The following OSBPL8 variants were observed in gnomAD, a reference collection of about 807,000 sequenced individuals.
OSBPL8 encodes oxysterol binding protein like 8.
A neutral mutation model predicts 125.5 loss-of-function variants in OSBPL8; 59 were observed. The observed-to-expected ratio is 0.47, with a 90% confidence interval of 0.38 to 0.58. The LOEUF (loss-of-function observed/expected upper bound fraction) is 0.58. Ranked by LOEUF, OSBPL8 falls within the 20% of genes least tolerant of loss-of-function variation. OSBPL8 has a pLI of 0.00. For missense variants in OSBPL8, 758 were observed against 1,047.8 expected (o/e 0.72, Z 3.82); for synonymous variants, 330 against 338.9 (o/e 0.97, Z 0.29).
At position 76,522,511 on chromosome 12, in the gene OSBPL8, G is replaced by A. The variant is rs377766288; in HGVS notation, c.-67-34893C>T. Among the ~76,000 whole-genome samples, 107 of 152,226 alleles carry A rather than the reference G, an allele frequency of 7.0e-4. 2 individuals carry two copies. Among genetic ancestry groups the A allele is most frequent in the African/African-American group, 2.6e-3 (106 of 41,532 alleles). On this transcript the variant is annotated intron_variant, in intron 1 of 23. Coordinates refer to ENST00000261183, the MANE Select transcript of OSBPL8 (RefSeq NM_020841.5). ...ATGAGTTCTCACTCTGGCAAGATGG[G>A]ATGAGTTCTCAAGGGAATAAGTCAG... is the stretch of plus-strand genomic sequence containing the variant.
At chr12:76,512,041 G>T (rs990187898) in intron 1 of OSBPL8, among the ~76,000 whole-genome samples, 23 of 152,000 alleles carry the variant, frequency 1.5e-4, no homozygotes, top group African/African-American at 5.3e-4. Context: ...CATGTCATGG[G>T]GGTTCGTTGA....
chr12:76,408,461 CAAA>C (rs71082306), intron 5 of OSBPL8, among the ~76,000 whole-genome samples: 70 of 73,270 alleles, frequency 9.6e-4, no homozygotes, highest in East Asian at 3.6e-3. Context: ...GACTCCTTCT[CAAA>C]AAAAAAAAAA....
chr12:76,411,972 A>G (rs1304268464), intron 4 of OSBPL8, among the ~76,000 whole-genome samples: 1 of 152,174 alleles, frequency 6.6e-6, no homozygotes, highest in African/African-American at 2.4e-5. Flanking sequence ...GACTGTATCT[A>G]TTAAAGTTAA....
At chr12:76,457,366 A>G (rs1446507949) in intron 3 of OSBPL8, among the ~76,000 whole-genome samples, 2 of 152,232 alleles carry the variant, frequency 1.3e-5, no homozygotes, top group African/African-American at 4.8e-5. Context: ...CTTATGTAAT[A>G]GATTTGTGTA....
chr12:76,459,916 A>G (rs1371072138), intron 2 of OSBPL8, 21 bp from the exon 3 acceptor site: 2 of 1,613,282 alleles, frequency 1.2e-6, no homozygotes, highest in Non-Finnish European at 1.7e-6. Flanking sequence ...AGGGTAATTG[A>G]GCAGCAAACA....
intron 1 of OSBPL8, among the ~76,000 whole-genome samples, chr12:76,526,015 T>C (rs1464949734): frequency 1.3e-5 from 2 of 152,258 alleles, no homozygotes; most frequent in Non-Finnish European, 2.9e-5. Context: ...TTCACTTGAA[T>C]AGTGGTTACT....
intron 21 of OSBPL8, among the ~76,000 whole-genome samples, chr12:76,364,857 C>T (rs1952355885): frequency 6.6e-6 from 1 of 152,094 alleles, no homozygotes; most frequent in African/African-American, 2.4e-5. Flanking sequence ...TGGCCCCTTG[C>T]AATTCCATGT....
chr12:76,480,503 G>A (rs1369238397), intron 2 of OSBPL8, among the ~76,000 whole-genome samples: 1 of 152,172 alleles, frequency 6.6e-6, no homozygotes, highest in Non-Finnish European at 1.5e-5. Flanking sequence ...TAACAATCTT[G>A]TATGTATGAT....
chr12:76,434,500 A>T (rs1241114124), intron 4 of OSBPL8, among the ~76,000 whole-genome samples: 1 of 152,204 alleles, frequency 6.6e-6, no homozygotes, highest in African/African-American at 2.4e-5. Context: ...AAAATAGGTA[A>T]GACTATATCA....
In OSBPL8 at chr12:76,384,261, CT is replaced by C; in HGVS notation, c.1622del (p.Lys541SerfsTer11). ...TGGGACGGGAAAACTCACCATAAAACTTAGACTTAGCCAGGATACTACCGCT... is the reference window on the plus strand; with the variant it reads ...TGGGACGGGAAAACTCACCATAAAACTAGACTTAGCCAGGATACTACCGCT... ...CLSGSILAKS[K>X]FYGNSLSAIL... is the part of the protein sequence containing the mutation. On this transcript the variant is annotated frameshift_variant, in exon 15 of 24. Transcript: ENST00000261183. LOFTEE classifies it high-confidence loss of function. 6.6e-7 allele frequency: 1 copy of C among 1,521,784 alleles called. No individual in the cohort carries two copies. Among genetic ancestry groups the C allele is most frequent in the Non-Finnish European group, 8.9e-7 (1 of 1,118,570 alleles). 94.3% of individuals were successfully genotyped at this position (1,521,784 alleles called of 1,614,324 possible). A position where few individuals can be genotyped will look rare whatever the true frequency, so the allele number is the denominator to read the frequency against.
intron 1 of OSBPL8, among the ~76,000 whole-genome samples, chr12:76,503,758 T>G (rs1400162832): frequency 6.6e-6 from 1 of 151,942 alleles, no homozygotes; most frequent in African/African-American, 2.4e-5. Flanking sequence ...CTAGCTAGGA[T>G]GGTTTCGATC....
chr12:76,418,067 G>A (rs1243217767), intron 4 of OSBPL8, among the ~76,000 whole-genome samples: 4 of 120,432 alleles, frequency 3.3e-5, no homozygotes, highest in African/African-American at 1.3e-4. Context: ...CCAGGCTGCT[G>A]TGCAATGGCA....
intron 12 of OSBPL8, among the ~76,000 whole-genome samples, chr12:76,387,790 T>A (rs1396287589): frequency 6.6e-6 from 1 of 152,186 alleles, no homozygotes; most frequent in Non-Finnish European, 1.5e-5. Flanking sequence ...CTCTGATTGC[T>A]CTCTTTCCAT....
chr12:76,550,993 G>A (rs980315722), intron 1 of OSBPL8, among the ~76,000 whole-genome samples: 1 of 152,060 alleles, frequency 6.6e-6, no homozygotes, highest in Non-Finnish European at 1.5e-5. Flanking sequence ...AGGATCCTTT[G>A]AGCTCAGGAA....
intron 4 of OSBPL8, among the ~76,000 whole-genome samples, chr12:76,425,746 C>T (rs1218814470): frequency 6.6e-6 from 1 of 152,142 alleles, no homozygotes; most frequent in Non-Finnish European, 1.5e-5. Flanking sequence ...AAGCATTCTA[C>T]TTTTTACCTA....
Position 76,356,013 on chromosome 12 carries a change from A to C in OSBPL8, c.2546T>G (p.Met849Arg). ...QTQEEIKRNI[M>R]ALRNHLVSST... ...TGAAACTAAATGATTTCGAAGAGCC[A>C]TAATATTTCTATAAAAATAAGCAAC... Residue 849 changes from methionine to arginine, a missense_variant, in exon 24 of 24, where the codon ATG becomes AGG. Coordinates refer to ENST00000261183, the MANE Select transcript of OSBPL8 (RefSeq NM_020841.5). 1.2e-6 allele frequency: 2 copies of C among 1,606,576 alleles called. No individual in the cohort carries two copies. The highest frequency in any genetic ancestry group is 1.7e-6 in the Non-Finnish European group (2 of 1,177,934).
intron 16 of OSBPL8, among the ~76,000 whole-genome samples, chr12:76,375,941 C>T (rs979910167): frequency 1.3e-5 from 2 of 152,032 alleles, no homozygotes; most frequent in African/African-American, 4.8e-5. Flanking sequence ...GGCTTTAGTT[C>T]TGTTGGCTGT....
intron 4 of OSBPL8, chr12:76,423,057 T>C (rs1180823967): frequency 6.4e-6 from 1 of 156,386 alleles, no homozygotes; most frequent in African/African-American, 2.4e-5. Context: ...TCATATCCAT[T>C]ATGTTTCTGT....
chr12:76,554,266 C>T (rs1026894178), intron 1 of OSBPL8, among the ~76,000 whole-genome samples: 5 of 152,216 alleles, frequency 3.3e-5, no homozygotes, highest in African/African-American at 1.2e-4. Flanking sequence ...AGGCTATATT[C>T]CATCTTCTTA....
Sources: gnomAD v4.1 joint callset for allele counts (sites outside exome capture counted in the v4.1 genomes callset) on GRCh38, gnomAD v4.1.1 for gene constraint, MANE v1.5 for transcripts, NCBI Gene and HGNC (gene_info 2026-07-23, HGNC 2026-07-21) for gene names.